Variants in PTPRG observed in about 807,000 individuals in gnomAD.
PTPRG encodes receptor-type tyrosine-protein phosphatase gamma.
PTPRG carries 102 observed loss-of-function variants against 165.3 expected under a neutral mutation model. The observed-to-expected ratio is 0.62, with a 90% CI of 0.53 to 0.73. The LOEUF (loss-of-function observed/expected upper bound fraction) is 0.73, where lower values mean the gene tolerates loss of function less well. Ranked by LOEUF, PTPRG falls within the 30% of genes least tolerant of loss-of-function variation. PTPRG has a pLI of 0.00. For missense variants in PTPRG, 1,866 were observed against 1,861.4 expected (o/e 1.00, Z -0.05); for synonymous variants, 675 against 669.5 (o/e 1.01, Z -0.13).
intron 3 of PTPRG, among the ~76,000 whole-genome samples, chr3:62,002,798 A>G (rs2041205090): frequency 6.6e-6 from 1 of 152,244 alleles, no homozygotes; most frequent in Admixed American, 6.5e-5. Flanking sequence ...GTTATTAAAT[A>G]CAGACTCCCA....
chr3:62,166,347 A>AT (rs1255711689), intron 7 of PTPRG, among the ~76,000 whole-genome samples: 2 of 147,598 alleles, frequency 1.4e-5, no homozygotes, highest in Admixed American at 6.8e-5. Flanking sequence ...TTTTTTTATT[A>AT]TTTTTTTGAG....
Position 62,222,657 on chromosome 3 carries a change from A to C in PTPRG, c.2288+3674A>C, listed in dbSNP as rs982452895. On this transcript the variant is annotated intron_variant, in intron 13 of 29. Coordinates refer to ENST00000474889, the MANE Select transcript of PTPRG (RefSeq NM_002841.4). The surrounding 1 kb of genome is among the most constrained non-coding windows in gnomAD (Gnocchi z 4.5). ...GAAGCCGAACAAGGGATGGCTTTCC[A>C]AAGGACCATCAAGACCTAAAAAAGT... 7.2e-5 allele frequency among the ~76,000 whole-genome samples: 11 copies of C among 152,304 alleles called. No individual in the cohort carries two copies. The highest frequency in any genetic ancestry group is 3.4e-3 in the Middle Eastern group (1 of 294).
At chr3:61,615,220 G>A (rs1041652342) in intron 1 of PTPRG, among the ~76,000 whole-genome samples, 82 of 152,268 alleles carry the variant, frequency 5.4e-4, no homozygotes, top group African/African-American at 1.9e-3. Context: ...ATTCAAATAT[G>A]CCCTAATTGT....
chr3:61,817,159 TATAATATATA>T lies in PTPRG; in HGVS notation c.190+68191_190+68200del, dbSNP rs1291941007. 6.0e-3 allele frequency among the ~76,000 whole-genome samples: 718 copies of T among 119,598 alleles called. 4 individuals carry two copies. Among genetic ancestry groups the T allele is most frequent in the Admixed American group, 0.015 (142 of 9,680 alleles). The allele number at this position is 119,598 out of a possible 152,430, so 78.5% of individuals were successfully genotyped here. A position where few individuals can be genotyped will look rare whatever the true frequency, so the allele number is the denominator to read the frequency against. Reference sequence around the variant, plus strand: ...ATACATATATTACATATATATAATATATAATATATAATAATATATAATATATAAAATAATA... The same window carrying T: ...ATACATATATTACATATATATAATATATAATATATAATATATAAAATAATA... On this transcript the variant is annotated intron_variant, in intron 2 of 29. Coordinates refer to ENST00000474889, the MANE Select transcript of PTPRG (RefSeq NM_002841.4).
chr3:62,145,509 C>T (rs1174551549), intron 6 of PTPRG, among the ~76,000 whole-genome samples: 2 of 151,978 alleles, frequency 1.3e-5, no homozygotes, highest in Non-Finnish European at 2.9e-5. Context: ...CAACTTAATT[C>T]GTCCATACAA....
intron 14 of PTPRG, 116 bp from the exon 15 acceptor site, chr3:62,243,691 C>A: frequency 3.2e-6 from 2 of 618,702 alleles, no homozygotes; most frequent in African/African-American, 1.9e-5. Context: ...CATGAGTTTA[C>A]CCTCAGTGCT....
intron 1 of PTPRG, among the ~76,000 whole-genome samples, chr3:61,565,956 C>A (rs1349764366): frequency 1.3e-5 from 2 of 152,008 alleles, no homozygotes; most frequent in Non-Finnish European, 2.9e-5. Flanking sequence ...TTCCCTCTCC[C>A]TCATGTATCA....
At chr3:61,665,467 A>AACACAC (rs1457942447) in intron 1 of PTPRG, among the ~76,000 whole-genome samples, 36 of 79,710 alleles carry the variant, frequency 4.5e-4, no homozygotes, top group African/African-American at 2.2e-3. Context: ...ATTGTAAATA[A>AACACAC]ATACACACAC....
At chr3:61,676,537 A>C (rs1274988489) in intron 1 of PTPRG, among the ~76,000 whole-genome samples, 1 of 151,396 alleles carries the variant, frequency 6.6e-6, no homozygotes, top group Non-Finnish European at 1.5e-5. Context: ...ATTCCAGTGA[A>C]TATTTTACTT....
At chr3:61,792,073 C>G (rs923677637) in intron 2 of PTPRG, among the ~76,000 whole-genome samples, 1 of 152,092 alleles carries the variant, frequency 6.6e-6, no homozygotes, top group Non-Finnish European at 1.5e-5. Context: ...TTGCTGTGAC[C>G]TCAGAGTGTA....
chr3:62,125,204 C>T (rs540018351), intron 5 of PTPRG, among the ~76,000 whole-genome samples: 10 of 152,264 alleles, frequency 6.6e-5, no homozygotes, highest in Admixed American at 3.3e-4. Context: ...GGTCTTCCCC[C>T]GTTCCTAATA....
chr3:61,757,356 T>C (rs1447619886), intron 2 of PTPRG, among the ~76,000 whole-genome samples: 1 of 152,188 alleles, frequency 6.6e-6, no homozygotes, highest in Non-Finnish European at 1.5e-5. Flanking sequence ...ATGACCTTTT[T>C]ATTTTAGAGT....
At chr3:61,937,606 T>C (rs2039511969) in intron 2 of PTPRG, among the ~76,000 whole-genome samples, 1 of 152,234 alleles carries the variant, frequency 6.6e-6, no homozygotes, top group South Asian at 2.1e-4. Flanking sequence ...GCCATCATAC[T>C]TCATAAGTTC....
At chr3:61,702,373 C>T (rs1399916559) in intron 1 of PTPRG, among the ~76,000 whole-genome samples, 1 of 152,208 alleles carries the variant, frequency 6.6e-6, no homozygotes, top group African/African-American at 2.4e-5. Context: ...AGAATAGGAA[C>T]TGTTACTTTC....
intron 4 of PTPRG, among the ~76,000 whole-genome samples, chr3:62,046,731 T>G (rs141452304): frequency 2.5e-3 from 388 of 152,322 alleles, no homozygotes; most frequent in African/African-American, 8.9e-3. Flanking sequence ...AAACAAAGAT[T>G]TTTGTATTGA....
chr3:61,773,979 T>C (rs1486919962), intron 2 of PTPRG, among the ~76,000 whole-genome samples: 2 of 152,036 alleles, frequency 1.3e-5, no homozygotes, highest in Non-Finnish European at 2.9e-5. Context: ...TTCACCACAT[T>C]GGCCAGGTTG....
At chr3:61,955,820 C>G (rs2040014211) in intron 2 of PTPRG, among the ~76,000 whole-genome samples, 1 of 152,118 alleles carries the variant, frequency 6.6e-6, no homozygotes, top group Non-Finnish European at 1.5e-5. Flanking sequence ...TGAGAAAGTT[C>G]TCCTTTAACA....
chr3:62,068,665 G>T (rs116812897), intron 4 of PTPRG, among the ~76,000 whole-genome samples: 2,332 of 152,068 alleles, frequency 0.015, 49 homozygotes, highest in African/African-American at 0.047. Context: ...GTTTTGGTTT[G>T]GTTTGGTTTT....
chr3:61,979,564 T>G (rs201254856), intron 2 of PTPRG, among the ~76,000 whole-genome samples: 48 of 48,910 alleles, frequency 9.8e-4, no homozygotes, highest in Middle Eastern at 0.01. Flanking sequence ...TTATGACTAG[T>G]ATTTCTGCTA....
Sources: gnomAD v4.1 joint callset for allele counts (sites outside exome capture counted in the v4.1 genomes callset) on GRCh38, gnomAD v4.1.1 for gene constraint, Gnocchi (gnomAD v3.1) non-coding constraint, MANE v1.5 for transcripts, NCBI Gene and HGNC (gene_info 2026-07-23, HGNC 2026-07-21) for gene names.